Variants in CDKL5 observed in about 807,000 individuals in gnomAD.
The protein encoded by CDKL5 is cyclin dependent kinase like 5, also known as cyclin-dependent kinase-like 5.
In CDKL5, 8 loss-of-function variants were observed where a neutral mutation model predicts 61.7. The ratio of observed to expected loss-of-function variants is 0.13; its 90% CI spans 0.08 to 0.23. The LOEUF is 0.23. Among genes scored for constraint, CDKL5 ranks in the 10% least tolerant of loss-of-function variants. The pLI is 1.00. For missense variants in CDKL5, 440 were observed against 734.5 expected (o/e 0.60, Z 4.63); for synonymous variants, 275 against 272.3 (o/e 1.01, Z -0.10).
At chrX:18,536,629 A>T (rs1255248138) in intron 3 of CDKL5, among the ~76,000 whole-genome samples, 1 of 107,913 alleles carries the variant, frequency 9.3e-6, no homozygotes, top group Non-Finnish European at 1.9e-5. Flanking sequence ...TATTTTTGGT[A>T]GAGACGGGGT....
rs962183490 is a variant in CDKL5, at chrX:18,444,470, G to C, written c.-163+18775G>C. 3.6e-5 allele frequency among the ~76,000 whole-genome samples: 4 copies of C among 111,075 alleles called. No individual in the cohort carries two copies. In the Admixed American group the frequency reaches 3.9e-4, roughly 11 times the overall value. ...TTTATACAAATATACAAATATATAT[G>C]TGTGTACAAACATATATATACATGT... On this transcript the variant is annotated intron_variant, in intron 1 of 17. Transcript: ENST00000623535.
At chrX:18,474,019 C>T (rs1425589463) in intron 1 of CDKL5, among the ~76,000 whole-genome samples, 2 of 108,645 alleles carry the variant, frequency 1.8e-5, no homozygotes, top group African/African-American at 6.7e-5. Context: ...CAGGCACGTG[C>T]CACCACACCA....
intron 3 of CDKL5, among the ~76,000 whole-genome samples, chrX:18,533,942 C>T (rs1252439048): frequency 8.9e-6 from 1 of 111,835 alleles, no homozygotes; most frequent in African/African-American, 3.3e-5. Context: ...GCCCCTAGAA[C>T]TCTTGAATAA....
chrX:18,442,163 C>T (rs1374454984), intron 1 of CDKL5: 1 of 111,430 alleles, frequency 9.0e-6, no homozygotes, highest in Non-Finnish European at 1.9e-5. Flanking sequence ...GCTGCCCACC[C>T]CCAGGTTTGC....
chrX:18,428,998 A>AT lies in CDKL5; in HGVS notation c.-163+3312dup, dbSNP rs200970096. The stretch of plus-strand genomic sequence containing the variant: ...ATTTTAGGTTTTGATCGTTTTTAGA[A>AT]TTTTTTTTTATGTGTGTAGAGCAGC... On this transcript the variant is annotated intron_variant, in intron 1 of 17. Coordinates refer to ENST00000623535, the MANE Select transcript of CDKL5 (RefSeq NM_001323289.2). Among the ~76,000 whole-genome samples, 482 of 110,104 alleles carry AT rather than the reference A, an allele frequency of 4.4e-3. 2 individuals are homozygous for AT. In the Middle Eastern group the frequency reaches 0.046, roughly 11 times the overall value.
Position 18,636,336 on chromosome X carries a change from T to C in CDKL5, c.*7579T>C, listed in dbSNP as rs1325407590. 2 of 94,021 alleles carry C rather than the reference T, an allele frequency of 2.1e-5. No homozygotes were observed. Among genetic ancestry groups the C allele is most frequent in the African/African-American group, 7.7e-5 (2 of 26,141 alleles). 7.7% of individuals were successfully genotyped at this position (94,021 alleles called of 1,213,427 possible). On this transcript the variant is annotated 3_prime_UTR_variant, in exon 18 of 18. Coordinates refer to ENST00000623535, the MANE Select transcript of CDKL5 (RefSeq NM_001323289.2). Reference sequence around the variant, plus strand: ...CAGGCACAATGCCCAAGTGTTTTGCTTTATTATTATTATTATTATTATTAT... The same window carrying C: ...CAGGCACAATGCCCAAGTGTTTTGCCTTATTATTATTATTATTATTATTAT...
intron 1 of CDKL5, among the ~76,000 whole-genome samples, chrX:18,431,884 T>A (rs892695100): frequency 2.0e-5 from 2 of 100,037 alleles, no homozygotes; most frequent in Non-Finnish European, 4.0e-5. Context: ...ATGAGTTTTT[T>A]TTAACCTTAT....
chrX:18,512,774 A>G (rs1922872780), intron 3 of CDKL5, among the ~76,000 whole-genome samples: 1 of 111,597 alleles, frequency 9.0e-6, no homozygotes, highest in African/African-American at 3.2e-5. Context: ...AAAATGCTAA[A>G]TGCTATACTT....
chrX:18,607,956 G>A (rs1031392792), intron 12 of CDKL5, among the ~76,000 whole-genome samples: 2 of 112,029 alleles, frequency 1.8e-5, no homozygotes, highest in Non-Finnish European at 3.8e-5. Flanking sequence ...TAAATAAAAT[G>A]TTTTTGATAT....
chrX:18,488,559 C>G (rs1921872554), intron 1 of CDKL5, among the ~76,000 whole-genome samples: 1 of 111,668 alleles, frequency 9.0e-6, no homozygotes, highest in Non-Finnish European at 1.9e-5. Context: ...TTCATCTTCA[C>G]CCCAGACTTT....
chrX:18,483,683 G>T (rs1921674693), intron 1 of CDKL5, among the ~76,000 whole-genome samples: 1 of 110,524 alleles, frequency 9.0e-6, no homozygotes, highest in Admixed American at 9.7e-5. Flanking sequence ...GCCTCTCAAA[G>T]TGTTGGGATT....
intron 1 of CDKL5, among the ~76,000 whole-genome samples, chrX:18,466,099 G>A (rs17320900): frequency 0.023 from 2,512 of 111,446 alleles, 67 homozygotes; most frequent in East Asian, 0.18. Context: ...TGTGGAAAAT[G>A]ATAGGTTTTT....
intron 3 of CDKL5, among the ~76,000 whole-genome samples, chrX:18,560,731 A>G (rs1474437863): frequency 1.8e-5 from 2 of 110,410 alleles, no homozygotes; most frequent in African/African-American, 6.6e-5. Flanking sequence ...CTATAAGAAG[A>G]CTTTCCTAAT....
intron 1 of CDKL5, among the ~76,000 whole-genome samples, chrX:18,427,418 A>G (rs1369941188): frequency 9.1e-6 from 1 of 109,771 alleles, no homozygotes; most frequent in Non-Finnish European, 1.9e-5. Flanking sequence ...TCACAAGTAC[A>G]AGGAAACCTA....
intron 1 of CDKL5, among the ~76,000 whole-genome samples, chrX:18,427,668 G>T (rs1931396839): frequency 9.0e-6 from 1 of 111,109 alleles, no homozygotes; most frequent in Admixed American, 9.7e-5. Flanking sequence ...CAGTTTTGTT[G>T]TTTAGCATAT....
At chrX:18,481,972 CT>C (rs1217226240) in intron 1 of CDKL5, among the ~76,000 whole-genome samples, 1 of 110,625 alleles carries the variant, frequency 9.0e-6, no homozygotes, top group Non-Finnish European at 1.9e-5. Context: ...GCTACACTCA[CT>C]GGGCATAGAG....
intron 5 of CDKL5, 42 bp downstream of exon 5, chrX:18,575,532 T>A (rs374547625): frequency 1.2e-4 from 131 of 1,135,214 alleles, no homozygotes; most frequent in Non-Finnish European, 1.4e-4. Flanking sequence ...CCCGATTCTT[T>A]TATTTAAGGC....
At chrX:18,570,192 G>T (rs1366994448) in intron 4 of CDKL5, among the ~76,000 whole-genome samples, 3 of 111,167 alleles carry the variant, frequency 2.7e-5, no homozygotes, top group African/African-American at 9.8e-5. Flanking sequence ...GTGTGAAAGA[G>T]GCCTTGAAAC....
intron 21 of CDKL5, chrX:18,650,683 A>T: frequency 1.0e-6 from 1 of 997,778 alleles, no homozygotes; most frequent in Non-Finnish European, 1.4e-6. Context: ...TTCAGGCCAC[A>T]CCCCCAGGGA....
Sources: gnomAD v4.1 joint callset for allele counts (sites outside exome capture counted in the v4.1 genomes callset) on GRCh38, gnomAD v4.1.1 for gene constraint, MANE v1.5 for transcripts, NCBI Gene and HGNC (gene_info 2026-07-23, HGNC 2026-07-21) for gene names.